Variants in PDGFC observed in about 807,000 individuals in gnomAD.
The protein encoded by PDGFC is platelet-derived growth factor C.
In PDGFC, 12 loss-of-function variants were observed where a neutral mutation model predicts 35.5. That is an observed-to-expected ratio of 0.34 (90% CI 0.22 to 0.55). PDGFC has a LOEUF of 0.55. Ranked by LOEUF, PDGFC falls within the 20% of genes least tolerant of loss-of-function variation. The pLI is 0.91. For missense variants in PDGFC, 322 were observed against 412.4 expected (o/e 0.78, Z 1.90); for synonymous variants, 159 against 148.8 (o/e 1.07, Z -0.50).
At chr4:156,932,010 A>G (rs1731561231) in intron 1 of PDGFC, among the ~76,000 whole-genome samples, 1 of 152,180 alleles carries the variant, frequency 6.6e-6, no homozygotes, top group African/African-American at 2.4e-5. Context: ...AGGTAAAAAT[A>G]GCTCAAAGTT....
chr4:156,943,292 G>C (rs1432183468), intron 1 of PDGFC, among the ~76,000 whole-genome samples: 1 of 152,024 alleles, frequency 6.6e-6, no homozygotes, highest in Non-Finnish European at 1.5e-5. Flanking sequence ...CTGTTTTACT[G>C]GTATCAACCT....
chr4:156,919,101 T>G (rs949754269), intron 1 of PDGFC, among the ~76,000 whole-genome samples: 2 of 152,220 alleles, frequency 1.3e-5, no homozygotes, highest in Non-Finnish European at 2.9e-5. Flanking sequence ...CCATCTGATA[T>G]AAGCAATACA....
Position 156,928,980 on chromosome 4 carries a change from TAA to T in PDGFC, c.118+41804_118+41805del, listed in dbSNP as rs374432107. ...TAAAACACAACGGTCAAAGAAATGA[TAA>T]AGAGTATGCATGAACTCTTCCAAAT... On this transcript the variant is annotated intron_variant, in intron 1 of 5. Coordinates refer to ENST00000502773, the MANE Select transcript of PDGFC (RefSeq NM_016205.3). Among the ~76,000 whole-genome samples, 387 of 152,230 alleles carry T rather than the reference TAA, an allele frequency of 2.5e-3. 1 individual carries two copies. The highest frequency in any genetic ancestry group is 8.7e-3 in the African/African-American group (361 of 41,550).
At chr4:156,789,295 T>C (rs1240680124) in intron 3 of PDGFC, among the ~76,000 whole-genome samples, 4 of 152,136 alleles carry the variant, frequency 2.6e-5, no homozygotes, top group Non-Finnish European at 5.9e-5. Flanking sequence ...ACATAGAAAA[T>C]AAAGAGTTAG....
chr4:156,926,114 A>T (rs1225292807), intron 1 of PDGFC, among the ~76,000 whole-genome samples: 1 of 151,284 alleles, frequency 6.6e-6, no homozygotes, highest in Non-Finnish European at 1.5e-5. Context: ...CTATTGACTA[A>T]TGTCAATAAT....
intron 3 of PDGFC, among the ~76,000 whole-genome samples, chr4:156,794,290 A>G (rs980609427): frequency 1.3e-5 from 2 of 152,178 alleles, no homozygotes; most frequent in African/African-American, 4.8e-5. Context: ...AGCATGGTAT[A>G]TATTAGAAAA....
intron 3 of PDGFC, among the ~76,000 whole-genome samples, chr4:156,791,907 C>T (rs1731308654): frequency 6.6e-6 from 1 of 152,118 alleles, no homozygotes; most frequent in South Asian, 2.1e-4. Context: ...CTAGGATTGG[C>T]CTGAAAACCT....
intron 1 of PDGFC, among the ~76,000 whole-genome samples, chr4:156,944,442 C>G (rs765641552): frequency 3.0e-4 from 46 of 152,096 alleles, no homozygotes; most frequent in Non-Finnish European, 6.5e-4. Context: ...TTGATCTACT[C>G]ACATGCACTG....
chr4:156,923,674 T>C (rs1560875125), intron 1 of PDGFC, among the ~76,000 whole-genome samples: 1 of 152,166 alleles, frequency 6.6e-6, no homozygotes, highest in Non-Finnish European at 1.5e-5. Context: ...TAGTTGCTCA[T>C]AAAAATAACC....
intron 2 of PDGFC, among the ~76,000 whole-genome samples, chr4:156,829,056 T>C: frequency 6.6e-6 from 1 of 152,286 alleles, no homozygotes; most frequent in African/African-American, 2.4e-5. Flanking sequence ...AGAAAAATAA[T>C]TTAACTTCTA....
chr4:156,855,258 A>G (rs1418333711), intron 1 of PDGFC, among the ~76,000 whole-genome samples: 1 of 152,086 alleles, frequency 6.6e-6, no homozygotes, highest in Non-Finnish European at 1.5e-5. Flanking sequence ...AGAGAATCAT[A>G]AAATGCAATT....
chr4:156,870,420 G>A (rs927033918), intron 1 of PDGFC, among the ~76,000 whole-genome samples: 1 of 152,044 alleles, frequency 6.6e-6, no homozygotes, highest in Non-Finnish European at 1.5e-5. Flanking sequence ...AATTTAAGGA[G>A]ACATTTTTGT....
At chr4:156,877,735 G>A (rs1173303573) in intron 1 of PDGFC, among the ~76,000 whole-genome samples, 1 of 151,988 alleles carries the variant, frequency 6.6e-6, no homozygotes, top group East Asian at 1.9e-4. Flanking sequence ...AAATTCAGAT[G>A]GGAAATAAAA....
At chr4:156,907,319 C>A (rs980123886) in intron 1 of PDGFC, among the ~76,000 whole-genome samples, 33 of 152,102 alleles carry the variant, frequency 2.2e-4, no homozygotes, top group Admixed American at 8.5e-4. Flanking sequence ...AATCATAAAA[C>A]ACACATTTGC....
At chr4:156,941,560 T>C (rs1330544043) in intron 1 of PDGFC, among the ~76,000 whole-genome samples, 1 of 152,202 alleles carries the variant, frequency 6.6e-6, no homozygotes, top group Non-Finnish European at 1.5e-5. Flanking sequence ...AATGTTATTG[T>C]AATCAATGTT....
At chr4:156,836,284 G>A (rs1729061496) in intron 2 of PDGFC, among the ~76,000 whole-genome samples, 1 of 152,164 alleles carries the variant, frequency 6.6e-6, no homozygotes, top group African/African-American at 2.4e-5. Flanking sequence ...TCAAGTTTCA[G>A]TGAATCGGTA....
intron 1 of PDGFC, among the ~76,000 whole-genome samples, chr4:156,874,283 C>T (rs141034965): frequency 0.013 from 1,926 of 152,034 alleles, 33 homozygotes; most frequent in African/African-American, 0.044. Context: ...TTAATAGACA[C>T]CATAAAATTA....
intron 1 of PDGFC, among the ~76,000 whole-genome samples, chr4:156,869,037 T>A (rs768557631): frequency 4.6e-5 from 7 of 152,230 alleles, no homozygotes; most frequent in African/African-American, 1.4e-4. Flanking sequence ...TTTCAATTAA[T>A]GGAATCACTA....
intron 1 of PDGFC, among the ~76,000 whole-genome samples, chr4:156,911,320 T>C (rs866427293): frequency 1.2e-4 from 18 of 152,252 alleles, no homozygotes; most frequent in East Asian, 7.7e-4. Context: ...AAGTCTCATA[T>C]AGAGGATATC....
Sources: gnomAD v4.1 joint callset for allele counts (sites outside exome capture counted in the v4.1 genomes callset) on GRCh38, gnomAD v4.1.1 for gene constraint, MANE v1.5 for transcripts, NCBI Gene and HGNC (gene_info 2026-07-23, HGNC 2026-07-21) for gene names.